Variants in HIVEP3 observed in about 807,000 individuals in gnomAD.
The protein encoded by HIVEP3 is transcription factor HIVEP3.
Under a neutral mutation model 152.8 loss-of-function variants are expected in HIVEP3, and 49 were observed. The ratio of observed to expected loss-of-function variants is 0.32; its 90% confidence interval spans 0.26 to 0.41. HIVEP3 has a LOEUF of 0.41. Ranked by LOEUF, HIVEP3 falls within the 10% of genes least tolerant of loss-of-function variation. HIVEP3 has a pLI of 1.00. For synonymous variants in HIVEP3, 1,269 were observed against 1,289.0 expected (o/e 0.98, Z 0.33); for missense variants, 2,790 against 3,103.3 (o/e 0.90, Z 2.40).
chr1:41,909,561 A>C (rs1268972749), intron 1 of HIVEP3, among the ~76,000 whole-genome samples: 3 of 152,136 alleles, frequency 2.0e-5, no homozygotes, highest in Non-Finnish European at 4.4e-5. Flanking sequence ...TCAGTAACTG[A>C]TTGAACAAGC....
intron 5 of HIVEP3, among the ~76,000 whole-genome samples, chr1:41,531,114 G>T (rs1187802067): frequency 1.4e-5 from 2 of 143,666 alleles, no homozygotes; most frequent in South Asian, 2.4e-4. Flanking sequence ...GAGAAGGGAG[G>T]ACAGGAGCAA....
intron 5 of HIVEP3, among the ~76,000 whole-genome samples, chr1:41,569,477 C>T (rs1429119846): frequency 6.6e-6 from 1 of 152,064 alleles, no homozygotes; most frequent in Non-Finnish European, 1.5e-5. Context: ...AATTTGTTCC[C>T]CAATAAATAC....
At chr1:41,643,670 T>A (rs1400342086) in intron 2 of HIVEP3, among the ~76,000 whole-genome samples, 1 of 152,168 alleles carries the variant, frequency 6.6e-6, no homozygotes, top group Admixed American at 6.5e-5. Context: ...GAACCCCTGA[T>A]GGCCTAATGT....
At chr1:41,886,346 A>G (rs1337104573) in intron 1 of HIVEP3, among the ~76,000 whole-genome samples, 1 of 152,124 alleles carries the variant, frequency 6.6e-6, no homozygotes, top group Non-Finnish European at 1.5e-5. Flanking sequence ...CCACAACTCA[A>G]TGGCTTTGAG....
At chr1:41,936,776 A>T (rs1645022236) in intron 1 of HIVEP3, among the ~76,000 whole-genome samples, 1 of 152,178 alleles carries the variant, frequency 6.6e-6, no homozygotes, top group Admixed American at 6.5e-5. Flanking sequence ...AGTACCCATG[A>T]TGGTTTTAAA....
Position 41,580,921 on chromosome 1 carries a change from G to C in HIVEP3, c.3877C>G (p.Pro1293Ala), listed in dbSNP as rs1644394903. 1 of 1,612,790 alleles carries C rather than the reference G, an allele frequency of 6.2e-7. No individual in the cohort carries two copies. Among genetic ancestry groups the C allele is most frequent in the Non-Finnish European group, 8.5e-7 (1 of 1,179,496 alleles). The change falls in exon 4 of 9, where the codon CCA becomes GCA. Residue 1293 changes from proline (P) to alanine (A), a missense_variant. Around this residue, in one of 9 missense-constraint regions of HIVEP3, gnomAD observed 1,078 missense variants for 1,165.3 expected, o/e 0.93. Transcript: ENST00000372583. ...GATGTAGGTGCTGAGGAGCTGGCTG[G>C]GGGAGCCACAGGGGGTAGCCGGATG... The part of the protein sequence containing the change: ...SDIRLPPVAP[P>A]ASSSAPTSAP...
intron 1 of HIVEP3, among the ~76,000 whole-genome samples, chr1:41,897,941 GAGAGA>G (rs1644557896): frequency 2.2e-4 from 2 of 9,220 alleles, no homozygotes; most frequent in Non-Finnish European, 4.0e-4. Context: ...GAGAGAGGGA[GAGAGA>G]GAGAGAGAGA....
intron 1 of HIVEP3, among the ~76,000 whole-genome samples, chr1:41,739,546 A>G (rs896276457): frequency 6.6e-6 from 1 of 151,814 alleles, no homozygotes; most frequent in South Asian, 2.1e-4. Context: ...CCCAGGAGTT[A>G]CCCAGCTCAG....
intron 1 of HIVEP3, chr1:41,847,969 TG>T (rs1414698852): frequency 2.0e-5 from 3 of 152,304 alleles, no homozygotes; most frequent in Admixed American, 2.0e-4. Context: ...GAAACAGATA[TG>T]ACATGAACTT....
At chr1:41,552,354 C>A (rs551757715) in intron 5 of HIVEP3, among the ~76,000 whole-genome samples, 13 of 144,264 alleles carry the variant, frequency 9.0e-5, no homozygotes, top group Admixed American at 4.1e-4. Context: ...TCTCCCAATG[C>A]TATCCCTCCC....
At chr1:41,957,134 T>G (rs1410511057) in intron 1 of HIVEP3, among the ~76,000 whole-genome samples, 1 of 152,214 alleles carries the variant, frequency 6.6e-6, no homozygotes, top group Admixed American at 6.5e-5. Context: ...ATATTTTTAC[T>G]ATACTTTCTT....
chr1:41,763,814 C>T (rs1466030368), intron 1 of HIVEP3, among the ~76,000 whole-genome samples: 3 of 152,166 alleles, frequency 2.0e-5, no homozygotes, highest in Non-Finnish European at 4.4e-5. Flanking sequence ...ACAAATGTCA[C>T]AATAGAGGTG....
At chr1:41,809,255 G>A (rs1330510205) in intron 1 of HIVEP3, among the ~76,000 whole-genome samples, 1 of 152,188 alleles carries the variant, frequency 6.6e-6, no homozygotes, top group Non-Finnish European at 1.5e-5. Context: ...ACCATGTTAG[G>A]GTTAATAACC....
chr1:41,554,914 C>T (rs1309448475), intron 5 of HIVEP3, among the ~76,000 whole-genome samples: 1 of 152,224 alleles, frequency 6.6e-6, no homozygotes, highest in Non-Finnish European at 1.5e-5. Flanking sequence ...TCGGCCCCTA[C>T]TGGGAGGTGT....
chr1:41,715,486 G>A (rs60474564), intron 1 of HIVEP3, among the ~76,000 whole-genome samples: 9,330 of 152,254 alleles, frequency 0.061, 1,013 homozygotes, highest in African/African-American at 0.21. Context: ...CCAGCCAACT[G>A]TTTGTCAGGG....
Position 42,019,860 on chromosome 1 carries a change from C to T in HIVEP3, n.119+15947G>A, listed in dbSNP as rs6667610. On this transcript the variant is annotated intron_variant and non_coding_transcript_variant, in intron 1 of 3. Coordinates refer to the HIVEP3 transcript ENST00000489103. ...ATGATGTTTAAGATATTTTTAGGCA[C>T]TCATTATCAGATTAACAAATTTCCT... Among the ~76,000 whole-genome samples, 1,141 of 152,114 alleles carry T rather than the reference C, an allele frequency of 7.5e-3. 17 individuals carry two copies. Among genetic ancestry groups the T allele is most frequent in the African/African-American group, 0.026 (1,098 of 41,542 alleles).
intron 1 of HIVEP3, among the ~76,000 whole-genome samples, chr1:41,942,834 G>T (rs2124486340): frequency 1.3e-5 from 2 of 152,080 alleles, no homozygotes; most frequent in Admixed American, 1.3e-4. Context: ...AAATTCAGAA[G>T]AATGAACATA....
chr1:41,860,190 C>G (rs1248956784), intron 1 of HIVEP3, among the ~76,000 whole-genome samples: 1 of 152,196 alleles, frequency 6.6e-6, no homozygotes, highest in Non-Finnish European at 1.5e-5. Flanking sequence ...CCAGTTATAT[C>G]GGAGAGAAGA....
Position 41,662,026 on chromosome 1 carries a change from C to G in HIVEP3, c.-720-33079G>C, listed in dbSNP as rs1162602059. On this transcript the variant is annotated intron_variant, in intron 2 of 8. Transcript: ENST00000372583. The surrounding 1 kb of genome is among the most constrained non-coding windows in gnomAD (Gnocchi z 7.2). ...AAGCGCGCCCGCGCCCAGCCCTCTC[C>G]CACCGACGCGGCTCCCTCCGGTCCC... 1 of 152,066 alleles carries G rather than the reference C, an allele frequency of 6.6e-6. No homozygotes were observed. The highest frequency in any genetic ancestry group is 2.4e-5 in the African/African-American group (1 of 41,422). The allele number at this position is 152,066 out of a possible 1,614,324, so 9.4% of individuals were successfully genotyped here.
Sources: allele counts gnomAD v4.1 joint callset (sites outside exome capture counted in the v4.1 genomes callset), GRCh38; gene constraint gnomAD v4.1.1; regional missense constraint gnomAD v4.1.1; non-coding constraint Gnocchi (gnomAD v3.1); transcripts MANE v1.5; gene names NCBI Gene and HGNC (gene_info 2026-07-23, HGNC 2026-07-21).